Variants in TAOK3 observed in about 807,000 individuals in gnomAD.
TAOK3 encodes the protein TAO kinase 3.
Under a neutral mutation model 120.4 loss-of-function variants are expected in TAOK3, and 40 were observed. That is an observed-to-expected ratio of 0.33 (90% CI 0.26 to 0.43). The LOEUF is 0.43. Among genes scored for constraint, TAOK3 ranks in the 20% least tolerant of loss-of-function variants. TAOK3 has a pLI of 1.00. For synonymous variants in TAOK3, 355 were observed against 387.5 expected (o/e 0.92, Z 0.99); for missense variants, 821 against 1,112.1 (o/e 0.74, Z 3.72).
intron 19 of TAOK3, among the ~76,000 whole-genome samples, chr12:118,155,744 A>AT (rs1267538897): frequency 6.6e-6 from 1 of 151,542 alleles, no homozygotes; most frequent in Non-Finnish European, 1.5e-5. Context: ...CATCTTATTT[A>AT]TTTTTTTTAA....
At chr12:118,246,283 G>A (rs1297679693) in intron 3 of TAOK3, 4 of 1,549,922 alleles carry the variant, frequency 2.6e-6, no homozygotes. Flanking sequence ...ACCAAGTTGG[G>A]CCGCTTGGTC....
chr12:118,267,745 C>G (rs1168997038), intron 1 of TAOK3, among the ~76,000 whole-genome samples: 1 of 151,094 alleles, frequency 6.6e-6, no homozygotes, highest in Admixed American at 6.6e-5. Context: ...ACTAGCTGAG[C>G]CTGGTGGCAT....
chr12:118,292,344 A>G (rs1275122558), intron 1 of TAOK3, among the ~76,000 whole-genome samples: 1 of 152,214 alleles, frequency 6.6e-6, no homozygotes, highest in African/African-American at 2.4e-5. Context: ...AATAGAAAAG[A>G]GAAAATCCAT....
At chr12:118,245,765 T>C (rs2040464860) in intron 3 of TAOK3, among the ~76,000 whole-genome samples, 1 of 152,170 alleles carries the variant, frequency 6.6e-6, no homozygotes, top group Non-Finnish European at 1.5e-5. Context: ...AAGATTGTAA[T>C]ATAAAAAATG....
intron 1 of TAOK3, among the ~76,000 whole-genome samples, chr12:118,316,233 A>C (rs891114184): frequency 1.3e-5 from 2 of 152,226 alleles, no homozygotes; most frequent in Admixed American, 6.5e-5. Context: ...TGGATTTGTT[A>C]ATGTAAATCT....
At chr12:118,254,460 T>C (rs569551872) in intron 3 of TAOK3, among the ~76,000 whole-genome samples, 2 of 150,470 alleles carry the variant, frequency 1.3e-5, no homozygotes, top group South Asian at 4.2e-4. Context: ...GAAAAAGACA[T>C]ATATAAAGCA....
intron 1 of TAOK3, among the ~76,000 whole-genome samples, chr12:118,366,518 G>A (rs1248511846): frequency 6.6e-6 from 1 of 152,164 alleles, no homozygotes; most frequent in South Asian, 2.1e-4. Context: ...CAGAGTCCCT[G>A]TTTGAGTGGA....
intron 1 of TAOK3, among the ~76,000 whole-genome samples, chr12:118,346,002 A>G (rs1395841739): frequency 6.6e-6 from 1 of 152,212 alleles, no homozygotes; most frequent in South Asian, 2.1e-4. Flanking sequence ...TATATGTACT[A>G]TAACTGTCCT....
At chr12:118,304,758 C>T (rs2042990119) in intron 1 of TAOK3, among the ~76,000 whole-genome samples, 1 of 152,100 alleles carries the variant, frequency 6.6e-6, no homozygotes, top group South Asian at 2.1e-4. Flanking sequence ...TTGATATGAA[C>T]TAAACTTATG....
At position 118,338,970 on chromosome 12, in the gene TAOK3, A is replaced by G. The variant is rs1050256893; in HGVS notation, c.-194+33678T>C. Among the ~76,000 whole-genome samples the G allele has an allele frequency of 1.1e-4, 16 of 152,160 alleles. No homozygotes were observed. In the East Asian group the frequency reaches 2.9e-3, roughly 28 times the overall value. On this transcript the variant is annotated intron_variant, in intron 1 of 20. Transcript: ENST00000392533. ...ATAGAACATTCAAATGCACAATGTGATAAGAAAAGCATTGCGTACCCTGGG... is the reference window on the plus strand; with the variant it reads ...ATAGAACATTCAAATGCACAATGTGGTAAGAAAAGCATTGCGTACCCTGGG...
chr12:118,291,054 C>T (rs2042457472), intron 1 of TAOK3, among the ~76,000 whole-genome samples: 1 of 150,114 alleles, frequency 6.7e-6, no homozygotes, highest in Admixed American at 6.7e-5. Context: ...TGGGGTTTTG[C>T]CATGTTGGCC....
intron 14 of TAOK3, 21 bp downstream of exon 14, chr12:118,189,786 G>C (rs750678705): frequency 6.2e-7 from 1 of 1,613,934 alleles, no homozygotes; most frequent in South Asian, 1.1e-5. Context: ...AGGGAAGGTG[G>C]GTAGAGGGGT....
At chr12:118,253,757 A>AAC (rs1289894073) in intron 3 of TAOK3, among the ~76,000 whole-genome samples, 19 of 898 alleles carry the variant, frequency 0.021, no homozygotes, top group East Asian at 0.077. Flanking sequence ...CAAACAAACA[A>AAC]AAAAAAAAAA....
At chr12:118,213,089 T>C (rs927690328) in intron 10 of TAOK3, 94 bp from the exon 11 acceptor site, 8 of 687,364 alleles carry the variant, frequency 1.2e-5, no homozygotes, top group Admixed American at 7.6e-5. Context: ...AAATTTTGCA[T>C]TTAAGGAGAT....
chr12:118,194,342 G>A (rs1319014894), intron 13 of TAOK3, among the ~76,000 whole-genome samples: 1 of 152,110 alleles, frequency 6.6e-6, no homozygotes, highest in African/African-American at 2.4e-5. Context: ...AAGGGGAGGA[G>A]AAGATGAAAA....
At chr12:118,174,731 C>T (rs2036216309) in intron 16 of TAOK3, among the ~76,000 whole-genome samples, 3 of 151,344 alleles carry the variant, frequency 2.0e-5, no homozygotes, top group African/African-American at 7.3e-5. Context: ...GGTGTGATCT[C>T]GGCTTACTGC....
chr12:118,177,500 A>C (rs1260081089), intron 15 of TAOK3, among the ~76,000 whole-genome samples, 171 bp from the exon 16 acceptor site: 2 of 107,316 alleles, frequency 1.9e-5, no homozygotes, highest in Non-Finnish European at 4.3e-5. Flanking sequence ...AAAGAAACAC[A>C]AAAAAAAAAA....
In TAOK3 at chr12:118,324,734, C is replaced by CTTTTT. The variant is rs35462737; in HGVS notation, c.-194+47909_-194+47913dup. Among the ~76,000 whole-genome samples, 87 of 69,658 alleles carry CTTTTT rather than the reference C, an allele frequency of 1.2e-3. 3 individuals are homozygous for CTTTTT. The highest frequency in any genetic ancestry group is 1.9e-3 in the Non-Finnish European group (70 of 36,736). The allele number at this position is 69,658 out of a possible 152,430, so 45.7% of individuals were successfully genotyped here. A position where few individuals can be genotyped will look rare whatever the true frequency, so the allele number is the denominator to read the frequency against. ...TTGTTGCAAAGGACAGAATTTCATTCTTTTTTTTTTTTTTTTTTTTTTTTT... is the reference window on the plus strand; with the variant it reads ...TTGTTGCAAAGGACAGAATTTCATTCTTTTTTTTTTTTTTTTTTTTTTTTTTTTTT... On this transcript the variant is annotated intron_variant, in intron 1 of 20. Coordinates refer to ENST00000392533, the MANE Select transcript of TAOK3 (RefSeq NM_016281.4).
intron 1 of TAOK3, among the ~76,000 whole-genome samples, chr12:118,364,822 T>C (rs899419270): frequency 6.6e-6 from 1 of 152,110 alleles, no homozygotes; most frequent in Non-Finnish European, 1.5e-5. Context: ...GGAGAATTGC[T>C]TGAATCTGGG....
Sources: gnomAD v4.1 joint callset for allele counts (sites outside exome capture counted in the v4.1 genomes callset) on GRCh38, gnomAD v4.1.1 for gene constraint, MANE v1.5 for transcripts, NCBI Gene and HGNC (gene_info 2026-07-23, HGNC 2026-07-21) for gene names.